Variants in GRID2 observed in about 807,000 individuals in gnomAD.
The protein encoded by GRID2 is glutamate ionotropic receptor delta type subunit 2.
A neutral mutation model predicts 114.8 loss-of-function variants in GRID2; 33 were observed. The observed-to-expected ratio is 0.29, with a 90% CI of 0.22 to 0.38. The LOEUF is 0.38. GRID2 is among the 10% of genes least tolerant of loss of function. The pLI, the probability that GRID2 is intolerant of heterozygous loss-of-function variation, is 1.00. For missense variants in GRID2, 1,184 were observed against 1,257.7 expected (o/e 0.94, Z 0.89); for synonymous variants, 505 against 449.9 (o/e 1.12, Z -1.55).
chr4:93,309,827 G>A lies in GRID2; in HGVS notation c.1245+71337G>A, dbSNP rs140493025. On this transcript the variant is annotated intron_variant, in intron 8 of 15. Coordinates refer to ENST00000282020, the MANE Select transcript of GRID2 (RefSeq NM_001510.4). ...ACAATGGCAAAGTTAAGTGCAGGAA[G>A]AGGGCATGAGACCTATTCCCCTTAT... 8.9e-3 allele frequency among the ~76,000 whole-genome samples: 1,359 copies of A among 152,298 alleles called. 9 individuals carry two copies. Among genetic ancestry groups the A allele is most frequent in the Admixed American group, 0.013 (202 of 15,292 alleles).
chr4:92,424,606 A>G (rs1012881147), intron 1 of GRID2, among the ~76,000 whole-genome samples: 2 of 151,996 alleles, frequency 1.3e-5, no homozygotes, highest in Non-Finnish European at 2.9e-5. Context: ...CATCTATAAA[A>G]GAACTAAAAT....
At chr4:92,979,464 G>A (rs1476061997) in intron 2 of GRID2, among the ~76,000 whole-genome samples, 1 of 151,972 alleles carries the variant, frequency 6.6e-6, no homozygotes, top group East Asian at 1.9e-4. Context: ...ATCTCAGGTC[G>A]TTTTTCAGGC....
At chr4:92,684,940 C>A (rs1052769322) in intron 2 of GRID2, among the ~76,000 whole-genome samples, 1 of 152,010 alleles carries the variant, frequency 6.6e-6, no homozygotes. Flanking sequence ...ATGATAGTGT[C>A]TGACATGAAT....
rs1560616420 is a variant in GRID2 at position 92,415,773 on chromosome 4, T to TATATAC, written c.88+111034_88+111035insCATATA. Among the ~76,000 whole-genome samples, 292 of 129,370 alleles carry TATATAC rather than the reference T, an allele frequency of 2.3e-3. 3 individuals are homozygous for TATATAC. Among genetic ancestry groups the TATATAC allele is most frequent in the African/African-American group, 8.1e-3 (257 of 31,904 alleles). The allele number at this position is 129,370 out of a possible 152,430, so 84.9% of individuals were successfully genotyped here. ...ATATATATATATATATATATATATA[T>TATATAC]ATATATATCACATTTTCTTTATTCA... On this transcript the variant is annotated intron_variant, in intron 1 of 15. Coordinates refer to ENST00000282020, the MANE Select transcript of GRID2 (RefSeq NM_001510.4).
chr4:93,763,687 A>G (rs1733401319), intron 14 of GRID2, among the ~76,000 whole-genome samples: 1 of 152,194 alleles, frequency 6.6e-6, no homozygotes, highest in Non-Finnish European at 1.5e-5. Flanking sequence ...TTTAAACTCT[A>G]CAGCAGTGAG....
chr4:92,899,550 G>A (rs943823191), intron 2 of GRID2, among the ~76,000 whole-genome samples: 2 of 152,076 alleles, frequency 1.3e-5, no homozygotes, highest in East Asian at 1.9e-4. Context: ...GTATCAAGAT[G>A]CATTAACTGA....
intron 13 of GRID2, among the ~76,000 whole-genome samples, chr4:93,572,575 G>A (rs1240753035): frequency 6.6e-6 from 1 of 151,970 alleles, no homozygotes; most frequent in Non-Finnish European, 1.5e-5. Context: ...TCAGTCTTAT[G>A]ATTGACATAT....
At chr4:92,932,699 AT>A (rs1336241313) in intron 2 of GRID2, among the ~76,000 whole-genome samples, 1 of 151,394 alleles carries the variant, frequency 6.6e-6, no homozygotes, top group Non-Finnish European at 1.5e-5. Context: ...ACATTATCTT[AT>A]ATTCATACAA....
chr4:92,568,885 C>T (rs1727476727), intron 1 of GRID2, among the ~76,000 whole-genome samples: 1 of 152,022 alleles, frequency 6.6e-6, no homozygotes, highest in Non-Finnish European at 1.5e-5. Flanking sequence ...CATCCATTTT[C>T]CTGCAAATAA....
intron 1 of GRID2, among the ~76,000 whole-genome samples, chr4:92,358,111 C>A (rs377023420): frequency 6.6e-6 from 1 of 151,702 alleles, no homozygotes; most frequent in African/African-American, 2.4e-5. Flanking sequence ...ACAGAAGGAC[C>A]AGCACAAGTC....
At chr4:93,708,933 T>C (rs369276606) in intron 14 of GRID2, among the ~76,000 whole-genome samples, 4 of 152,204 alleles carry the variant, frequency 2.6e-5, no homozygotes, top group East Asian at 3.9e-4. Flanking sequence ...TTTAAACTGA[T>C]GATAACACTG....
intron 2 of GRID2, among the ~76,000 whole-genome samples, chr4:92,882,146 G>C (rs1746068254): frequency 6.6e-6 from 1 of 152,084 alleles, no homozygotes; most frequent in African/African-American, 2.4e-5. Flanking sequence ...TTTTATTTTA[G>C]AAGAAAGGTG....
intron 14 of GRID2, among the ~76,000 whole-genome samples, chr4:93,660,578 C>T (rs910254078): frequency 1.4e-5 from 2 of 142,120 alleles, no homozygotes; most frequent in Non-Finnish European, 3.0e-5. Context: ...CTCCCTCCCC[C>T]ACAACATGTG....
At chr4:93,205,981 C>G (rs1169517279) in intron 4 of GRID2, among the ~76,000 whole-genome samples, 1 of 152,006 alleles carries the variant, frequency 6.6e-6, no homozygotes, top group Admixed American at 6.6e-5. Flanking sequence ...TGTTCATATC[C>G]TTCGCTCACT....
chr4:93,197,752 C>T (rs1741648456), intron 4 of GRID2, among the ~76,000 whole-genome samples: 1 of 152,118 alleles, frequency 6.6e-6, no homozygotes, highest in Admixed American at 6.6e-5. Context: ...GAGTATGTAA[C>T]ATACCTTGTT....
At chr4:93,543,211 T>C (rs550463444) in intron 13 of GRID2, among the ~76,000 whole-genome samples, 1 of 152,320 alleles carries the variant, frequency 6.6e-6, no homozygotes, top group South Asian at 2.1e-4. Context: ...TGTCTGTGAT[T>C]GTAAGCTTTT....
At chr4:92,617,009 G>A (rs1730033738) in intron 2 of GRID2, among the ~76,000 whole-genome samples, 1 of 151,128 alleles carries the variant, frequency 6.6e-6, no homozygotes. Context: ...TATAGATCAG[G>A]GTGATTAGCA....
intron 8 of GRID2, among the ~76,000 whole-genome samples, chr4:93,245,514 A>C (rs1369101887): frequency 6.6e-6 from 1 of 152,172 alleles, no homozygotes; most frequent in African/African-American, 2.4e-5. Context: ...GAGTACTTAA[A>C]TTGATTATTC....
intron 1 of GRID2, among the ~76,000 whole-genome samples, chr4:92,333,504 T>C (rs1727001364): frequency 6.6e-6 from 1 of 152,200 alleles, no homozygotes; most frequent in Non-Finnish European, 1.5e-5. Context: ...TTTTAGCAGA[T>C]GGTTGCTTGG....
Sources: gnomAD v4.1 joint callset for allele counts (sites outside exome capture counted in the v4.1 genomes callset) on GRCh38, gnomAD v4.1.1 for gene constraint, MANE v1.5 for transcripts, NCBI Gene and HGNC (gene_info 2026-07-23, HGNC 2026-07-21) for gene names.